Variants in UVRAG observed in about 807,000 individuals in gnomAD.
UVRAG encodes the protein UV radiation resistance associated.
In UVRAG, 19 loss-of-function variants were observed where a neutral mutation model predicts 78.0. The observed-to-expected ratio is 0.24, with a 90% CI of 0.17 to 0.36. The LOEUF is 0.36. UVRAG is among the 10% of genes least tolerant of loss of function. The probability of loss-of-function intolerance (pLI) is 1.00; values close to 1 mark genes in which losing one functional copy is unlikely to be tolerated. For synonymous variants in UVRAG, 323 were observed against 324.6 expected (o/e 1.00, Z 0.05); for missense variants, 740 against 853.8 (o/e 0.87, Z 1.66).
At chr11:76,057,506 T>C (rs1238553990) in intron 12 of UVRAG, among the ~76,000 whole-genome samples, 1 of 152,216 alleles carries the variant, frequency 6.6e-6, no homozygotes, top group Non-Finnish European at 1.5e-5. Context: ...AAATGGCTTA[T>C]TTTTTAAAGA....
chr11:76,137,765 G>A lies in UVRAG; in HGVS notation c.1398-2946G>A, dbSNP rs150893880. On this transcript the variant is annotated intron_variant, in intron 14 of 14. Coordinates refer to ENST00000356136, the MANE Select transcript of UVRAG (RefSeq NM_003369.4). ...AAATTAAAAATAAAAAACATTAGCC[G>A]GGCATCGTGGCACACACCTGTAGTC... 1.6e-3 allele frequency: 499 copies of A among 311,584 alleles called. 9 individuals carry two copies. The highest frequency in any genetic ancestry group is 0.01 in the African/African-American group (462 of 46,090). The allele number at this position is 311,584 out of a possible 1,614,324, so 19.3% of individuals were successfully genotyped here.
chr11:75,949,879 C>A (rs1237513337), intron 6 of UVRAG, among the ~76,000 whole-genome samples: 1 of 151,850 alleles, frequency 6.6e-6, no homozygotes. Context: ...TTTTCATTAT[C>A]CAGAATGTTC....
At chr11:76,140,576 A>T in intron 14 of UVRAG, 135 bp from the exon 15 acceptor site, 1 of 910,844 alleles carries the variant, frequency 1.1e-6, no homozygotes, top group South Asian at 2.1e-5. Context: ...CACTGCAATA[A>T]CTATTGTCTA....
At chr11:76,096,762 C>T (rs890048610) in intron 13 of UVRAG, among the ~76,000 whole-genome samples, 3 of 152,196 alleles carry the variant, frequency 2.0e-5, no homozygotes, top group Non-Finnish European at 4.4e-5. Flanking sequence ...GCCTGTTCCA[C>T]AAGCAAATAC....
intron 9 of UVRAG, 105 bp from the exon 10 acceptor site, chr11:76,007,428 AT>A: frequency 1.2e-6 from 1 of 868,630 alleles, no homozygotes; most frequent in Admixed American, 2.4e-5. Context: ...TCTGTGGCCT[AT>A]TACAGACAGT....
chr11:76,030,148 C>CA (rs375696332), intron 12 of UVRAG, among the ~76,000 whole-genome samples: 4,147 of 146,820 alleles, frequency 0.028, 82 homozygotes, highest in African/African-American at 0.058. Flanking sequence ...TACTGGGAAA[C>CA]AAAAAAAAAA....
intron 5 of UVRAG, chr11:75,892,492 C>T (rs1361225319): frequency 1.2e-6 from 1 of 818,760 alleles, no homozygotes; most frequent in East Asian, 1.2e-4. Flanking sequence ...CTTATTTAAA[C>T]CTCACACTTG....
At chr11:76,115,588 G>A (rs1420234939) in intron 13 of UVRAG, among the ~76,000 whole-genome samples, 1 of 152,192 alleles carries the variant, frequency 6.6e-6, no homozygotes, top group Non-Finnish European at 1.5e-5. Context: ...GGGTCTGGGG[G>A]TAGAAAAGAA....
At chr11:75,963,189 T>G (rs1948940639) in intron 7 of UVRAG, among the ~76,000 whole-genome samples, 1 of 152,228 alleles carries the variant, frequency 6.6e-6, no homozygotes, top group African/African-American at 2.4e-5. Context: ...CTAAGCTCTA[T>G]AAGGCGAGGG....
intron 12 of UVRAG, among the ~76,000 whole-genome samples, chr11:76,062,000 C>T (rs991001207): frequency 2.6e-5 from 4 of 152,130 alleles, no homozygotes; most frequent in Admixed American, 6.5e-5. Context: ...CAGAAATTTG[C>T]CTCACACAGT....
chr11:76,045,700 T>TA (rs34827474), intron 12 of UVRAG, among the ~76,000 whole-genome samples: 50,778 of 130,700 alleles, frequency 0.39, 10,874 homozygotes, highest in Non-Finnish European at 0.5. Context: ...GTTTTTCTCT[T>TA]AAAAAAAAAA....
intron 5 of UVRAG, among the ~76,000 whole-genome samples, chr11:75,897,871 A>ATTTTT (rs146122619): frequency 4.6e-5 from 5 of 108,898 alleles, no homozygotes; most frequent in African/African-American, 1.6e-4. Flanking sequence ...TAGCTCTTTA[A>ATTTTT]TTTTTTTTTT....
At chr11:75,942,704 GAC>G (rs1948509223) in intron 6 of UVRAG, among the ~76,000 whole-genome samples, 1 of 152,090 alleles carries the variant, frequency 6.6e-6, no homozygotes, top group Admixed American at 6.6e-5. Context: ...CTGTTTATCA[GAC>G]ACAATACAGG....
intron 12 of UVRAG, among the ~76,000 whole-genome samples, chr11:76,037,440 C>T (rs978791261): frequency 4.0e-5 from 6 of 151,586 alleles, no homozygotes; most frequent in Non-Finnish European, 5.9e-5. Flanking sequence ...CAGTGGCTCA[C>T]GCCTGTAATC....
intron 8 of UVRAG, among the ~76,000 whole-genome samples, chr11:75,985,496 G>T (rs1263062938): frequency 6.6e-6 from 1 of 151,932 alleles, no homozygotes; most frequent in African/African-American, 2.4e-5. Context: ...CTCCCATTCT[G>T]TGGCTTGCTC....
intron 12 of UVRAG, among the ~76,000 whole-genome samples, chr11:76,032,239 T>C (rs1167213692): frequency 6.6e-6 from 1 of 152,196 alleles, no homozygotes; most frequent in East Asian, 1.9e-4. Context: ...TCCTGGGTAA[T>C]GGTATCATTA....
intron 3 of UVRAG, 29 bp from the exon 4 acceptor site, chr11:75,879,850 C>G: frequency 6.2e-7 from 1 of 1,610,260 alleles, no homozygotes; most frequent in Non-Finnish European, 8.5e-7. Flanking sequence ...TAGAGTTGTC[C>G]TAAAGCGTGT....
At chr11:75,950,427 A>AT (rs1470184564) in intron 6 of UVRAG, among the ~76,000 whole-genome samples, 1 of 151,916 alleles carries the variant, frequency 6.6e-6, no homozygotes, top group African/African-American at 2.4e-5. Flanking sequence ...GGCTAATTTA[A>AT]TTTTTTTAGC....
At chr11:75,995,864 G>A (rs534136822) in intron 8 of UVRAG, among the ~76,000 whole-genome samples, 32 of 152,022 alleles carry the variant, frequency 2.1e-4, no homozygotes, top group African/African-American at 7.7e-4. Context: ...CCATCTGACA[G>A]AAATTCTTAA....
Sources: allele counts gnomAD v4.1 joint callset (sites outside exome capture counted in the v4.1 genomes callset), GRCh38; gene constraint gnomAD v4.1.1; transcripts MANE v1.5; gene names NCBI Gene and HGNC (gene_info 2026-07-23, HGNC 2026-07-21).